Variants in VEGFC observed in about 807,000 individuals in gnomAD.
The protein encoded by VEGFC is vascular endothelial growth factor C.
A neutral mutation model predicts 46.1 loss-of-function variants in VEGFC; 12 were observed. That is an observed-to-expected ratio of 0.26 (90% CI 0.17 to 0.42). The LOEUF (loss-of-function observed/expected upper bound fraction) is 0.42. Ranked by LOEUF, VEGFC falls within the 10% of genes least tolerant of loss-of-function variation. The pLI is 1.00. For synonymous variants in VEGFC, 232 were observed against 195.5 expected (o/e 1.19, Z -1.56); for missense variants, 488 against 529.4 (o/e 0.92, Z 0.77).
At chr4:176,753,188 T>C (rs2110897874) in intron 1 of VEGFC, among the ~76,000 whole-genome samples, 1 of 152,174 alleles carries the variant, frequency 6.6e-6, no homozygotes, top group Middle Eastern at 3.4e-3. Flanking sequence ...AAATTGTTTA[T>C]TATTGTTTTG....
At chr4:176,770,682 T>C (rs1190389941) in intron 1 of VEGFC, among the ~76,000 whole-genome samples, 1 of 152,112 alleles carries the variant, frequency 6.6e-6, no homozygotes, top group Non-Finnish European at 1.5e-5. Context: ...CCCTGAAAAA[T>C]AGCTGAGCTC....
intron 3 of VEGFC, among the ~76,000 whole-genome samples, chr4:176,715,456 T>G (rs1024927111): frequency 2.6e-5 from 4 of 152,132 alleles, no homozygotes; most frequent in African/African-American, 4.8e-5. Flanking sequence ...TAATATCTAC[T>G]GGGAATATGC....
chr4:176,731,084 C>T (rs1343488028), intron 1 of VEGFC, among the ~76,000 whole-genome samples: 1 of 151,820 alleles, frequency 6.6e-6, no homozygotes, highest in Non-Finnish European at 1.5e-5. Flanking sequence ...TATATTATTC[C>T]ATTACTTTCT....
intron 1 of VEGFC, among the ~76,000 whole-genome samples, chr4:176,783,703 C>CA (rs1735951021): frequency 6.6e-6 from 1 of 152,134 alleles, no homozygotes. Flanking sequence ...CAAACCCCGG[C>CA]ACCCAGGGGA....
In VEGFC at chr4:176,683,720, C is replaced by T. The variant is rs1733983666; in HGVS notation, c.*206G>A. The T allele has an allele frequency of 2.6e-6, 1 of 384,238 alleles. No individual in the cohort carries two copies. Among genetic ancestry groups the T allele is most frequent in the East Asian group, 3.8e-5 (1 of 26,030 alleles). The allele number at this position is 384,238 out of a possible 1,614,324, so 23.8% of individuals were successfully genotyped here. A position where few individuals can be genotyped will look rare whatever the true frequency, so the allele number is the denominator to read the frequency against. On this transcript the variant is annotated 3_prime_UTR_variant, in exon 7 of 7. Transcript: ENST00000618562. ...AAGAGGAAAATCTTGGCTGTTTGGT[C>T]ATTGGCAGAAAACCAGTCTTTACAA... is the stretch of plus-strand genomic sequence containing the variant.
intron 1 of VEGFC, among the ~76,000 whole-genome samples, chr4:176,747,669 T>C (rs1236005483): frequency 6.6e-6 from 1 of 151,972 alleles, no homozygotes; most frequent in Non-Finnish European, 1.5e-5. Context: ...AGCCATGAGC[T>C]TGTAGTCCCA....
intron 3 of VEGFC, among the ~76,000 whole-genome samples, chr4:176,724,138 G>T (rs930132640): frequency 4.6e-5 from 7 of 152,150 alleles, no homozygotes; most frequent in Non-Finnish European, 8.8e-5. Flanking sequence ...TTAGCAAAAA[G>T]ACCAATTATT....
intron 3 of VEGFC, among the ~76,000 whole-genome samples, chr4:176,712,693 G>A (rs1422895317): frequency 3.3e-5 from 5 of 152,066 alleles, no homozygotes; most frequent in East Asian, 3.9e-4. Flanking sequence ...GAACTTTCAC[G>A]CCATCAGCTG....
chr4:176,784,268 C>T (rs1480089314), intron 1 of VEGFC, among the ~76,000 whole-genome samples: 1 of 151,628 alleles, frequency 6.6e-6, no homozygotes, highest in Non-Finnish European at 1.5e-5. Context: ...AGGGTTTTCC[C>T]CATGTTGCTC....
intron 1 of VEGFC, among the ~76,000 whole-genome samples, chr4:176,769,529 T>C (rs1354852590): frequency 6.6e-6 from 1 of 152,160 alleles, no homozygotes; most frequent in Non-Finnish European, 1.5e-5. Context: ...AGCTAGCAGA[T>C]ATTACATTAA....
At chr4:176,751,736 A>G (rs1735345552) in intron 1 of VEGFC, among the ~76,000 whole-genome samples, 1 of 152,022 alleles carries the variant, frequency 6.6e-6, no homozygotes. Context: ...TAAACGTAAA[A>G]AAAAAGCATA....
intron 4 of VEGFC, among the ~76,000 whole-genome samples, chr4:176,696,923 C>A (rs1236683667): frequency 6.6e-6 from 1 of 151,686 alleles, no homozygotes; most frequent in Non-Finnish European, 1.5e-5. Flanking sequence ...GGAAAACTGG[C>A]TAGCCATATG....
At chr4:176,737,510 T>C (rs1248120670) in intron 1 of VEGFC, among the ~76,000 whole-genome samples, 2 of 150,790 alleles carry the variant, frequency 1.3e-5, no homozygotes, top group African/African-American at 4.8e-5. Context: ...TTAGTGTTCA[T>C]GTAATTTATG....
At chr4:176,719,834 G>A (rs1439795068) in intron 3 of VEGFC, among the ~76,000 whole-genome samples, 2 of 152,150 alleles carry the variant, frequency 1.3e-5, no homozygotes, top group Non-Finnish European at 2.9e-5. Flanking sequence ...GCCGAGGCGA[G>A]TGGATCACTT....
chr4:176,772,390 C>T (rs917619190), intron 1 of VEGFC, among the ~76,000 whole-genome samples: 2 of 152,156 alleles, frequency 1.3e-5, no homozygotes, highest in African/African-American at 4.8e-5. Flanking sequence ...ATCTTTTGGA[C>T]AGTCAAAAGG....
At chr4:176,699,852 T>C (rs1734395234) in intron 4 of VEGFC, among the ~76,000 whole-genome samples, 1 of 152,242 alleles carries the variant, frequency 6.6e-6, no homozygotes. Flanking sequence ...AGGCACATGC[T>C]TAATCGTATG....
intron 1 of VEGFC, among the ~76,000 whole-genome samples, chr4:176,769,085 C>G (rs1389475025): frequency 3.3e-5 from 5 of 152,100 alleles, no homozygotes; most frequent in Non-Finnish European, 7.4e-5. Flanking sequence ...CTTGGGAGAG[C>G]CTGCTTCCTC....
intron 1 of VEGFC, among the ~76,000 whole-genome samples, chr4:176,790,666 C>T (rs1001362769): frequency 6.6e-6 from 1 of 152,080 alleles, no homozygotes; most frequent in African/African-American, 2.4e-5. Flanking sequence ...TACTGTAAAC[C>T]AAAGTAAGTG....
chr4:176,748,080 G>A (rs1435132093), intron 1 of VEGFC, among the ~76,000 whole-genome samples: 1 of 151,968 alleles, frequency 6.6e-6, no homozygotes, highest in East Asian at 1.9e-4. Context: ...AAAACTTTGG[G>A]AATTTTACAC....
Sources: allele counts gnomAD v4.1 joint callset (sites outside exome capture counted in the v4.1 genomes callset), GRCh38; gene constraint gnomAD v4.1.1; transcripts MANE v1.5; gene names NCBI Gene and HGNC (gene_info 2026-07-23, HGNC 2026-07-21).